The following KPNA3 variants were observed in gnomAD, a reference collection of about 807,000 sequenced individuals.
KPNA3 encodes importin subunit alpha-4.
In KPNA3, 13 loss-of-function variants were observed where a neutral mutation model predicts 73.8. The ratio of observed to expected loss-of-function variants is 0.18; its 90% CI spans 0.11 to 0.28. KPNA3 has a LOEUF of 0.28. KPNA3 is among the 10% of genes least tolerant of loss of function. The pLI, the probability that KPNA3 is intolerant of heterozygous loss-of-function variation, is 1.00. For missense variants in KPNA3, 360 were observed against 618.1 expected (o/e 0.58, Z 4.43); for synonymous variants, 186 against 206.9 (o/e 0.90, Z 0.87).
rs1457994615 is a variant in KPNA3, at chr13:49,753,901, T to TG, written c.70-6909dup. On this transcript the variant is annotated intron_variant, in intron 1 of 16. Coordinates refer to ENST00000261667, the MANE Select transcript of KPNA3 (RefSeq NM_002267.4). ...AACTGGCCCCTGGTGCCATAAAGGT[T>TG]GGGGACCACTGTTATAAGGGAAAAA... Among the ~76,000 whole-genome samples, 9 of 152,310 alleles carry TG rather than the reference T, an allele frequency of 5.9e-5. No individual in the cohort carries two copies. The East Asian group carries it at 1.4e-3, about 23-fold the overall frequency.
chr13:49,709,861 AAT>A (rs2137534774), intron 11 of KPNA3, among the ~76,000 whole-genome samples, 161 bp from the exon 12 acceptor site: 1 of 152,280 alleles, frequency 6.6e-6, no homozygotes, highest in Admixed American at 6.5e-5. Flanking sequence ...CTGAATTTTA[AAT>A]AGTCTCTTGT....
chr13:49,702,175 T>C, intron 16 of KPNA3, among the ~76,000 whole-genome samples: 1 of 152,350 alleles, frequency 6.6e-6, no homozygotes, highest in South Asian at 2.1e-4. Flanking sequence ...TCCTAGTTAA[T>C]AGATTAGAAA....
intron 1 of KPNA3, among the ~76,000 whole-genome samples, chr13:49,768,679 C>T (rs1954829383): frequency 6.8e-6 from 1 of 146,276 alleles, no homozygotes; most frequent in Non-Finnish European, 1.5e-5. Context: ...ACAACTGTGA[C>T]TTTAACTTAA....
intron 2 of KPNA3, among the ~76,000 whole-genome samples, chr13:49,737,603 G>A (rs962023871): frequency 1.5e-5 from 2 of 131,764 alleles, no homozygotes; most frequent in African/African-American, 5.6e-5. Flanking sequence ...GTGTGTGTGT[G>A]TGTGTGTGTA....
At chr13:49,754,248 C>T (rs1954691474) in intron 1 of KPNA3, among the ~76,000 whole-genome samples, 1 of 152,158 alleles carries the variant, frequency 6.6e-6, no homozygotes, top group Non-Finnish European at 1.5e-5. Context: ...CTGCAATGAA[C>T]TGAGATCACG....
In KPNA3 at chr13:49,746,949, C is replaced by T. The variant is rs1184745334; in HGVS notation, c.114G>A (p.Lys38=). 1.2e-6 allele frequency: 2 copies of T among 1,605,314 alleles called. No homozygotes were observed. The highest frequency in any genetic ancestry group is 1.7e-6 in the Non-Finnish European group (2 of 1,172,574). The part of the protein sequence containing the change: ...HRNEVTVELR[K]NKRDEHLLKK... ...TTCTTTAAATGTAAATCAACCTTAC[C>T]TTCCGCAGTTCCACTGTCACTTCAT... The change falls in exon 2 of 17, where the codon AAG becomes AAA. Residue 38 remains lysine, a splice_region_variant and synonymous_variant. Transcript: ENST00000261667.
At position 49,700,147 on chromosome 13, in the gene KPNA3, AAACTCACTCTT is replaced by A. The variant is rs1467306214; in HGVS notation, c.*1642_*1652del. 6.6e-6 allele frequency: 1 copy of A among 152,642 alleles called. No individual in the cohort carries two copies. Among genetic ancestry groups the A allele is most frequent in the East Asian group, 1.9e-4 (1 of 5,206 alleles). 9.5% of individuals were successfully genotyped at this position (152,642 alleles called of 1,614,324 possible). A position where few individuals can be genotyped will look rare whatever the true frequency, so the allele number is the denominator to read the frequency against. ...TTGTATCCACTTTAGATACAAGACAAAACTCACTCTTTAAAGTGGCTCCACCTTGGCAGATA... is the reference window on the plus strand; with the variant it reads ...TTGTATCCACTTTAGATACAAGACAATAAAGTGGCTCCACCTTGGCAGATA... On this transcript the variant is annotated 3_prime_UTR_variant, in exon 17 of 17. Transcript: ENST00000261667.
intron 1 of KPNA3, among the ~76,000 whole-genome samples, chr13:49,777,841 A>G (rs1954909862): frequency 6.6e-6 from 1 of 152,044 alleles, no homozygotes; most frequent in African/African-American, 2.4e-5. Context: ...CACTTTCCAA[A>G]ATACTGCAAT....
chr13:49,739,060 G>C (rs1223196369), intron 2 of KPNA3, among the ~76,000 whole-genome samples: 1 of 151,678 alleles, frequency 6.6e-6, no homozygotes, highest in Non-Finnish European at 1.5e-5. Flanking sequence ...TTTCTTTTTT[G>C]GCTTATTAAT....
At position 49,734,938 on chromosome 13, in the gene KPNA3, T is replaced by TAGAG. The variant is rs1377926602; in HGVS notation, c.115-1896_115-1893dup. 5.0e-4 allele frequency among the ~76,000 whole-genome samples: 73 copies of TAGAG among 146,732 alleles called. 1 individual carries two copies. Among genetic ancestry groups the TAGAG allele is most frequent in the Admixed American group, 3.9e-3 (57 of 14,762 alleles). ...ATACACACACATATATATATATATA[T>TAGAG]AGAGAGAGAGATAGATAGAGAGAGA... is the stretch of plus-strand genomic sequence containing the variant. On this transcript the variant is annotated intron_variant, in intron 2 of 16. Coordinates refer to ENST00000261667, the MANE Select transcript of KPNA3 (RefSeq NM_002267.4).
chr13:49,722,024 G>A lies in KPNA3; in HGVS notation c.657C>T (p.Asn219=), dbSNP rs1447271639. The change falls in exon 9 of 17, where the codon AAC becomes AAT. Residue 219 remains asparagine, a synonymous_variant. Coordinates refer to ENST00000261667, the MANE Select transcript of KPNA3 (RefSeq NM_002267.4). ...SPSIPITFLR[N]VTWVIVNLCR... is the part of the protein sequence containing the mutation. ...AGAGATTGACAATGACCCATGTGAC[G>A]TTCCGAAGGAAGGTGATGGGGATGG... 1.2e-6 allele frequency: 2 copies of A among 1,611,788 alleles called. No homozygotes were observed. Among genetic ancestry groups the A allele is most frequent in the Non-Finnish European group, 8.5e-7 (1 of 1,178,544 alleles).
intron 2 of KPNA3, among the ~76,000 whole-genome samples, chr13:49,735,957 T>C (rs2137558533): frequency 6.6e-6 from 1 of 152,352 alleles, no homozygotes; most frequent in Non-Finnish European, 1.5e-5. Flanking sequence ...CTTGAAAAAC[T>C]GGCTTGCAAT....
chr13:49,792,088 G>A (rs117219709), intron 1 of KPNA3, among the ~76,000 whole-genome samples: 16,963 of 152,132 alleles, frequency 0.11, 1,127 homozygotes, highest in South Asian at 0.27. Context: ...TCGGCTGTGC[G>A]GTCGGAGGGC....
At position 49,742,941 on chromosome 13, in the gene KPNA3, T is replaced by C. The variant is rs112594201; in HGVS notation, c.114+4008A>G. Among the ~76,000 whole-genome samples, 906 of 152,244 alleles carry C rather than the reference T, an allele frequency of 6.0e-3. 4 individuals carry two copies. Among genetic ancestry groups the C allele is most frequent in the Middle Eastern group, 0.024 (7 of 294 alleles). On this transcript the variant is annotated intron_variant, in intron 2 of 16. Coordinates refer to ENST00000261667, the MANE Select transcript of KPNA3 (RefSeq NM_002267.4). ...ATATTTTTAGAGATCATAATTAAAT[T>C]TAATTCGTGAATATCAGCACTTAAT... is the stretch of plus-strand genomic sequence containing the variant.
At chr13:49,726,944 C>A (rs1417373078) in intron 6 of KPNA3, among the ~76,000 whole-genome samples, 2 of 150,126 alleles carry the variant, frequency 1.3e-5, no homozygotes, top group Non-Finnish European at 3.0e-5. Context: ...CAGAGTGAAA[C>A]CCTGTCACAA....
chr13:49,745,086 T>C (rs1954604893), intron 2 of KPNA3, among the ~76,000 whole-genome samples: 1 of 152,202 alleles, frequency 6.6e-6, no homozygotes, highest in South Asian at 2.1e-4. Context: ...TTCACCTCCA[T>C]GAGACAATTG....
intron 7 of KPNA3, 35 bp downstream of exon 7, chr13:49,725,381 A>T (rs752906737): frequency 7.7e-7 from 1 of 1,291,512 alleles, no homozygotes. Context: ...CATCATTAAA[A>T]CACAAAAAGT....
At chr13:49,778,485 TG>T (rs1011611457) in intron 1 of KPNA3, among the ~76,000 whole-genome samples, 2 of 152,260 alleles carry the variant, frequency 1.3e-5, no homozygotes, top group African/African-American at 4.8e-5. Flanking sequence ...TTTGCTCAGT[TG>T]AACTCTTTAA....
At chr13:49,705,913 T>C (rs1954203422) in intron 14 of KPNA3, 130 bp from the exon 15 acceptor site, 2 of 986,392 alleles carry the variant, frequency 2.0e-6, no homozygotes, top group Non-Finnish European at 2.9e-6. Context: ...TAGTGCGTTA[T>C]GGTCATGCCT....
Sources: gnomAD v4.1 joint callset for allele counts (sites outside exome capture counted in the v4.1 genomes callset) on GRCh38, gnomAD v4.1.1 for gene constraint, MANE v1.5 for transcripts, NCBI Gene and HGNC (gene_info 2026-07-23, HGNC 2026-07-21) for gene names.